The following KDM5C variants were observed in gnomAD, a reference collection of about 807,000 sequenced individuals.
The protein encoded by KDM5C is lysine demethylase 5C.
KDM5C carries 16 observed loss-of-function variants against 110.6 expected under a neutral mutation model. The observed-to-expected ratio is 0.14, with a 90% CI of 0.10 to 0.22. The LOEUF is 0.22. KDM5C is among the 10% of genes least tolerant of loss of function. The pLI, the probability that KDM5C is intolerant of heterozygous loss-of-function variation, is 1.00. For missense variants in KDM5C, 681 were observed against 1,300.9 expected (o/e 0.52, Z 7.33); for synonymous variants, 511 against 520.4 (o/e 0.98, Z 0.24).
At position 53,198,774 on chromosome X, in the gene KDM5C, C is replaced by T. The variant is rs781928569; in HGVS notation, c.2358G>A (p.Gly786=). 1.6e-6 allele frequency: 2 copies of T among 1,212,422 alleles called. No homozygotes were observed. Among genetic ancestry groups the T allele is most frequent in the Non-Finnish European group, 1.1e-6 (1 of 895,657 alleles). ...CCCCCCATCACTCACTGCGCTTCCG[C>T]CCATCCTCCACCTCCAGGGCCACTC... is the stretch of plus-strand genomic sequence containing the variant. The part of the protein sequence containing the change: ...KVRVALEVED[G]RKRSLEELRA... The change falls in exon 16 of 26, where the codon GGG becomes GGA. Residue 786 remains glycine (G), a synonymous_variant. Transcript: ENST00000375401.
At position 53,194,354 on chromosome X, in the gene KDM5C, C is replaced by T; in HGVS notation, c.3823G>A (p.Gly1275Ser). The change falls in exon 23 of 26, where the codon GGC becomes AGC. Residue 1275 changes from glycine to serine, a missense_variant. Transcript: ENST00000375401. ...TCTGTGAGGCACTGCAGGGCCTCGC[C>T]CTCGGGCAGCCGCACAGGCAGTCTC... The part of the protein sequence containing the change: ...LQRLPVRLPE[G>S]EALQCLTERA... The T allele has an allele frequency of 8.3e-7, 1 of 1,211,673 alleles. No individual in the cohort carries two copies. Among genetic ancestry groups the T allele is most frequent in the South Asian group, 1.8e-5 (1 of 56,858 alleles).
intron 14 of KDM5C, among the ~76,000 whole-genome samples, chrX:53,199,678 T>C (rs1415762785): frequency 8.9e-6 from 1 of 111,997 alleles, no homozygotes; most frequent in African/African-American, 3.2e-5. Context: ...TAAAGAGATA[T>C]AATAATTTTC....
chrX:53,201,376 G>A, intron 14 of KDM5C, 174 bp downstream of exon 14: 2 of 490,135 alleles, frequency 4.1e-6, no homozygotes, highest in Non-Finnish European at 7.2e-6. Flanking sequence ...GAAGTAAATC[G>A]ACTTAAGGTT....
intron 18 of KDM5C, chrX:53,197,522 T>C: frequency 2.5e-6 from 1 of 395,821 alleles, no homozygotes; most frequent in Non-Finnish European, 4.5e-6. Context: ...CCTTCTCCTC[T>C]ACCCCTCCTC....
At chrX:53,223,517 C>T (rs995985939) in intron 1 of KDM5C, among the ~76,000 whole-genome samples, 2 of 111,588 alleles carry the variant, frequency 1.8e-5, no homozygotes, top group African/African-American at 3.3e-5. Context: ...GGGAATGAAG[C>T]TTCCTATTCC....
intron 20 of KDM5C, among the ~76,000 whole-genome samples, chrX:53,195,652 C>T (rs897060611): frequency 8.9e-6 from 1 of 111,867 alleles, no homozygotes; most frequent in Non-Finnish European, 1.9e-5. Flanking sequence ...CTCCTCCATG[C>T]CCCTGCCCTG....
rs782441313 is a variant in KDM5C at position 53,216,069 on chromosome X, CT to C, written c.781+4del. 1 of 1,212,473 alleles carries C rather than the reference CT, an allele frequency of 8.2e-7. No homozygotes were observed. Among genetic ancestry groups the C allele is most frequent in the South Asian group, 1.8e-5 (1 of 57,037 alleles). On this transcript the variant is annotated splice_donor_region_variant and intron_variant, in intron 6 of 25. Transcript: ENST00000375401. ...GTGAGGCCACCCCAGCCTGTTAGGC[CT>C]TACCTTTCTTCCGCAGAGTCTTGTC...
At chrX:53,214,976 C>A in intron 7 of KDM5C, 129 bp from the exon 8 acceptor site, 1 of 688,889 alleles carries the variant, frequency 1.5e-6, no homozygotes, top group Non-Finnish European at 2.3e-6. Context: ...ACCATCTCCC[C>A]AAATAAGCAG....
rs1556839520 is a variant in KDM5C at position 53,198,558 on chromosome X, C to G, written c.2448G>C (p.Lys816Asn). Residue 816 changes from lysine to asparagine, a missense_variant, in exon 17 of 26, where the codon AAG becomes AAC. Physicochemically the swap from Lys to Asn is moderately conservative, Grantham distance 94. Coordinates refer to ENST00000375401, the MANE Select transcript of KDM5C (RefSeq NM_004187.5). Reference protein sequence around the residue: ...FPNSELLQQLKNCLSEAEACV... With the variant: ...FPNSELLQQLNNCLSEAEACV... The stretch of plus-strand genomic sequence containing the variant: ...AAGCCTCTGCCTCACTCAGGCAGTT[C>G]TTTAGTTGCTGCAGCAGCTCACTAT... 5.8e-6 allele frequency: 7 copies of G among 1,211,166 alleles called. No homozygotes were observed. The highest frequency in any genetic ancestry group is 6.7e-6 in the Non-Finnish European group (6 of 895,025).
chrX:53,185,281 C>T (rs950110820), intron 25 of KDM5C, among the ~76,000 whole-genome samples: 36 of 111,894 alleles, frequency 3.2e-4, no homozygotes, highest in African/African-American at 1.2e-3. Context: ...AAACCTCCCA[C>T]ATGGTCTTTT....
intron 19 of KDM5C, 118 bp downstream of exon 19, chrX:53,196,568 C>T: frequency 1.2e-5 from 7 of 583,080 alleles, no homozygotes; most frequent in South Asian, 2.7e-5. Context: ...AGGGGAGAGT[C>T]AATACAGTAA....
downstream of KDM5C, among the ~76,000 whole-genome samples, chrX:53,187,087 C>T (rs1934240694): frequency 8.9e-6 from 1 of 111,772 alleles, no homozygotes; most frequent in Non-Finnish European, 1.9e-5. Context: ...CCAATGGATT[C>T]CTGAACAAAA....
At position 53,201,562 on chromosome X, in the gene KDM5C, G is replaced by C. The variant is rs1169859502; in HGVS notation, c.2049C>G (p.Ala683=). ...MVQEERRLRK[A]LLEKGITEAE... ...GTACTCTCCCCACCTTCTCCAGCAGGGCCTTTCGTAGACGCCGCTCTTCTT... is the reference window on the plus strand; with the variant it reads ...GTACTCTCCCCACCTTCTCCAGCAGCGCCTTTCGTAGACGCCGCTCTTCTT... Residue 683 remains alanine (A), a synonymous_variant, in exon 14 of 26, where the codon GCC becomes GCG. Coordinates refer to ENST00000375401, the MANE Select transcript of KDM5C (RefSeq NM_004187.5). 2 of 1,211,071 alleles carry C rather than the reference G, an allele frequency of 1.7e-6. No homozygotes were observed. Among genetic ancestry groups the C allele is most frequent in the Non-Finnish European group, 1.1e-6 (1 of 895,144 alleles).
intron 25 of KDM5C, among the ~76,000 whole-genome samples, chrX:53,183,294 G>T (rs1320036406): frequency 1.9e-5 from 2 of 104,756 alleles, no homozygotes; most frequent in Non-Finnish European, 3.9e-5. Context: ...AAATTAGCTG[G>T]GTGTATTGGC....
At chrX:53,184,624 G>A (rs1296880310) in intron 25 of KDM5C, among the ~76,000 whole-genome samples, 1 of 111,732 alleles carries the variant, frequency 8.9e-6, no homozygotes. Flanking sequence ...TACCTTGATC[G>A]ATTTTCTTAT....
Position 53,215,840 on chromosome X carries a change from G to A in KDM5C, c.918C>T (p.Thr306=). Reference sequence around the variant, plus strand: ...TCCTCCGTAGCCTCATGGTCATCTTGGTGCAGGGTTCTGGGCTGTGACTCA... The same window carrying A: ...TCCTCCGTAGCCTCATGGTCATCTTAGTGCAGGGTTCTGGGCTGTGACTCA... The part of the protein sequence containing the change: ...EELSHSPEPC[T]KMTMRLRRNH... The change falls in exon 7 of 26, where the codon ACC becomes ACT. Residue 306 remains threonine, a synonymous_variant. Coordinates refer to ENST00000375401, the MANE Select transcript of KDM5C (RefSeq NM_004187.5). 4.1e-6 allele frequency: 5 copies of A among 1,211,768 alleles called. No homozygotes were observed. Among genetic ancestry groups the A allele is most frequent in the Non-Finnish European group, 5.6e-6 (5 of 895,452 alleles).
intron 11 of KDM5C, 37 bp from the exon 12 acceptor site, chrX:53,210,613 C>A (rs375573041): frequency 1.4e-5 from 17 of 1,209,807 alleles, no homozygotes; most frequent in Non-Finnish European, 1.8e-5. Flanking sequence ...CAGTAAATCA[C>A]ACCTTGGTCA....
intron 12 of KDM5C, 121 bp downstream of exon 12, chrX:53,210,293 A>T: frequency 1.1e-6 from 1 of 920,316 alleles, no homozygotes; most frequent in Non-Finnish European, 1.6e-6. Context: ...TAGCCCAATT[A>T]AGAACAGCAA....
intron 20 of KDM5C, 110 bp from the exon 21 acceptor site, chrX:53,195,520 TA>T: frequency 5.2e-6 from 4 of 763,092 alleles, no homozygotes; most frequent in Admixed American, 2.7e-5. Flanking sequence ...CTTGAGGGAT[TA>T]AAAAAATAGG....
Sources: allele counts gnomAD v4.1 joint callset (sites outside exome capture counted in the v4.1 genomes callset), GRCh38; gene constraint gnomAD v4.1.1; transcripts MANE v1.5; gene names NCBI Gene and HGNC (gene_info 2026-07-23, HGNC 2026-07-21).